SIL1: variants seen among roughly 807,000 people sequenced by gnomAD.
SIL1 encodes the protein SIL1 nucleotide exchange factor, also known as nucleotide exchange factor SIL1.
SIL1 carries 40 observed loss-of-function variants against 49.1 expected under a neutral mutation model. The ratio of observed to expected loss-of-function variants is 0.81; its 90% CI spans 0.63 to 1.06. The LOEUF is 1.06. Among genes scored for constraint, SIL1 ranks in the 50% least tolerant of loss-of-function variants. The pLI, the probability that SIL1 is intolerant of heterozygous loss-of-function variation, is 0.00. For missense variants in SIL1, 500 were observed against 572.6 expected, an observed-to-expected ratio of 0.87 and a Z score of 1.29; for synonymous variants, 253 against 250.8, an observed-to-expected ratio of 1.01 and a Z score of -0.08.
At chr5:138,990,985 G>A (rs866156646) in intron 7 of SIL1, among the ~76,000 whole-genome samples, 19 of 152,170 alleles carry the variant, frequency 1.2e-4, no homozygotes, top group Middle Eastern at 3.2e-3. Flanking sequence ...TAAAGTGTTG[G>A]GATTACAGGC....
chr5:139,124,791 C>T (rs1750722439), intron 2 of SIL1, among the ~76,000 whole-genome samples: 1 of 152,226 alleles, frequency 6.6e-6, no homozygotes, highest in African/African-American at 2.4e-5. Context: ...GCCTTCCATT[C>T]CTCAATTCAT....
chr5:139,039,706 G>A (rs1475275520), intron 5 of SIL1, among the ~76,000 whole-genome samples: 1 of 152,074 alleles, frequency 6.6e-6, no homozygotes, highest in Non-Finnish European at 1.5e-5. Flanking sequence ...CCCTTAGCTG[G>A]GGGAATAGGG....
chr5:139,055,798 G>A (rs1769400436), intron 3 of SIL1, among the ~76,000 whole-genome samples: 2 of 117,994 alleles, frequency 1.7e-5, no homozygotes, highest in African/African-American at 7.8e-5. Flanking sequence ...AGCCTGCCGA[G>A]TGCCTGCGAT....
rs1580971468 is a variant in SIL1, at chr5:138,947,174, C to G, written c.1329G>C (p.Glu443Asp). Reference protein sequence around the residue: ...ASLELQDGEDEGYFQELLGSV... With the variant: ...ASLELQDGEDDGYFQELLGSV... ...AGCCCAGCAGCTCCTGGAAGTAGCC[C>G]TCGTCCTCACCATCCTGCAGCTCCA... Residue 443 changes from glutamate (E) to aspartate (D), a missense_variant, in exon 10 of 10, where the codon GAG becomes GAC. Physicochemically the swap from Glu to Asp is conservative, Grantham distance 45. Coordinates refer to ENST00000394817, the MANE Select transcript of SIL1 (RefSeq NM_022464.5). The surrounding 1 kb of genome is among the most constrained non-coding windows in gnomAD (Gnocchi z 4.1). The G allele has an allele frequency of 1.9e-6, 3 of 1,613,522 alleles. No homozygotes were observed. The highest frequency in any genetic ancestry group is 2.5e-6 in the Non-Finnish European group (3 of 1,179,914).
At chr5:139,048,548 A>C (rs1248859227) in intron 4 of SIL1, among the ~76,000 whole-genome samples, 1 of 150,850 alleles carries the variant, frequency 6.6e-6, no homozygotes, top group Non-Finnish European at 1.5e-5. Context: ...GCTAATTTTT[A>C]TATGTTTTGC....
At chr5:139,079,915 C>CA (rs1770035958) in intron 3 of SIL1, among the ~76,000 whole-genome samples, 1 of 152,280 alleles carries the variant, frequency 6.6e-6, no homozygotes, top group South Asian at 2.1e-4. Flanking sequence ...TTTAGAAAAC[C>CA]AAAAGCAAGT....
chr5:139,107,038 C>T (rs1770729201), intron 3 of SIL1, among the ~76,000 whole-genome samples: 1 of 152,210 alleles, frequency 6.6e-6, no homozygotes, highest in Non-Finnish European at 1.5e-5. Context: ...GATCACTCAG[C>T]CCTGCAGAGA....
At chr5:139,066,379 T>C (rs564087079) in intron 3 of SIL1, among the ~76,000 whole-genome samples, 2 of 152,000 alleles carry the variant, frequency 1.3e-5, no homozygotes, top group Non-Finnish European at 2.9e-5. Context: ...TTTTTTGAGA[T>C]GGAGTCTTGC....
intron 1 of SIL1, among the ~76,000 whole-genome samples, chr5:139,179,552 C>A (rs1751945757): frequency 6.6e-6 from 1 of 152,104 alleles, no homozygotes; most frequent in Non-Finnish European, 1.5e-5. Context: ...CCTTACCCTT[C>A]TCTTATGTAG....
At chr5:139,094,029 G>T (rs1299674686) in intron 3 of SIL1, 1 of 152,172 alleles carries the variant, frequency 6.6e-6, no homozygotes, top group African/African-American at 2.4e-5. Flanking sequence ...CTCACCTGCA[G>T]CGGAAACAAT....
chr5:139,016,777 T>C (rs1314806743), intron 7 of SIL1: 2 of 152,150 alleles, frequency 1.3e-5, no homozygotes, highest in Non-Finnish European at 2.9e-5. Flanking sequence ...GAAACCAGAT[T>C]GTAGGAATAG....
In SIL1 at chr5:138,951,189, G is replaced by A. The variant is rs1473605577; in HGVS notation, c.1011C>T (p.Tyr337=). 1.7e-5 allele frequency: 27 copies of A among 1,611,336 alleles called. No homozygotes were observed. Among genetic ancestry groups the A allele is most frequent in the Middle Eastern group, 3.3e-4 (2 of 6,084 alleles). The change falls in exon 9 of 10, where the codon TAC becomes TAT. Residue 337 remains tyrosine (Y), a synonymous_variant. Coordinates refer to ENST00000394817, the MANE Select transcript of SIL1 (RefSeq NM_022464.5). ...CACTCACCTTCTCCGTGACCAGGTC[G>A]TAGAGCAGTGTGACCACGCGCACGG... ...VLAVRVVTLL[Y]DLVTEKMFAE...
intron 3 of SIL1, among the ~76,000 whole-genome samples, chr5:139,112,403 C>T (rs1367406262): frequency 2.6e-5 from 4 of 151,386 alleles, no homozygotes; most frequent in Admixed American, 1.3e-4. Context: ...AAGTGAGGAG[C>T]GTCTCTGCCC....
intron 3 of SIL1, among the ~76,000 whole-genome samples, chr5:139,101,922 T>C (rs1310387556): frequency 6.6e-6 from 1 of 152,200 alleles, no homozygotes; most frequent in Non-Finnish European, 1.5e-5. Context: ...TTCCAGGGCA[T>C]CTGATGTTAG....
intron 7 of SIL1, among the ~76,000 whole-genome samples, chr5:138,986,405 G>A (rs1220566375): frequency 2.0e-5 from 3 of 152,160 alleles, no homozygotes; most frequent in South Asian, 2.1e-4. Flanking sequence ...GATTTAGGAC[G>A]CAACTTGCAC....
chr5:138,977,360 C>A (rs1043134743), intron 7 of SIL1, among the ~76,000 whole-genome samples: 1 of 152,176 alleles, frequency 6.6e-6, no homozygotes, highest in African/African-American at 2.4e-5. Flanking sequence ...AACTAGATAC[C>A]AGGAAGAGCT....
intron 7 of SIL1, chr5:139,016,977 G>C (rs1345170056): frequency 6.6e-6 from 1 of 152,134 alleles, no homozygotes; most frequent in Non-Finnish European, 1.5e-5. Context: ...CTCTCGAGTA[G>C]CATAGCTGGG....
At chr5:139,061,515 T>G (rs922400236) in intron 3 of SIL1, among the ~76,000 whole-genome samples, 2 of 152,200 alleles carry the variant, frequency 1.3e-5, no homozygotes, top group African/African-American at 4.8e-5. Context: ...CACTTGGCTA[T>G]CTTTGTTGGC....
chr5:138,979,923 T>C (rs1195144121), intron 7 of SIL1, among the ~76,000 whole-genome samples: 1 of 152,196 alleles, frequency 6.6e-6, no homozygotes, highest in Non-Finnish European at 1.5e-5. Flanking sequence ...AATGCTCAGG[T>C]AGTCATCCTG....
Sources: gnomAD v4.1 joint callset for allele counts (sites outside exome capture counted in the v4.1 genomes callset) on GRCh38, gnomAD v4.1.1 for gene constraint, Gnocchi (gnomAD v3.1) non-coding constraint, MANE v1.5 for transcripts, NCBI Gene and HGNC (gene_info 2026-07-23, HGNC 2026-07-21) for gene names.